LGSN: variants seen among roughly 807,000 people sequenced by gnomAD.
LGSN encodes lengsin, lens protein with glutamine synthetase domain.
LGSN carries 21 observed loss-of-function variants against 19.5 expected under a neutral mutation model. The observed-to-expected ratio is 1.07, with a 90% CI of 0.76 to 1.55. The LOEUF (loss-of-function observed/expected upper bound fraction) is 1.55, where lower values mean the gene tolerates loss of function less well. Ranked by LOEUF, LGSN falls within the 40% of genes most tolerant of loss-of-function variation. LGSN has a pLI of 0.00. For synonymous variants in LGSN, 257 were observed against 215.6 expected (o/e 1.19, Z -1.68); for missense variants, 673 against 608.5 (o/e 1.11, Z -1.12).
chr6:63,386,476 A>G, the LGSN span, among the ~76,000 whole-genome samples: 3 of 151,936 alleles, frequency 2.0e-5, no homozygotes, highest in Non-Finnish European at 4.4e-5. Context: ...CTCTGATCCT[A>G]TTTTGGTAAC....
In LGSN at chr6:63,277,000, C is replaced by G. The variant is rs1321214566; in HGVS notation, c.*3021G>C. ...ACATCAGCACACACCTAACTGAAAT[C>G]TTGGTGGAAACTGCCACACCAACTT... On this transcript the variant is annotated 3_prime_UTR_variant, in exon 4 of 4. Coordinates refer to ENST00000370657, the MANE Select transcript of LGSN (RefSeq NM_016571.3). The G allele has an allele frequency of 2.2e-5, 3 of 137,144 alleles. No homozygotes were observed. Among genetic ancestry groups the G allele is most frequent in the Non-Finnish European group, 4.9e-5 (3 of 61,770 alleles). The allele number at this position is 137,144 out of a possible 1,614,324, so 8.5% of individuals were successfully genotyped here. A position where few individuals can be genotyped will look rare whatever the true frequency, so the allele number is the denominator to read the frequency against.
At chr6:63,531,358 A>G in the LGSN span, among the ~76,000 whole-genome samples, 1 of 151,600 alleles carries the variant, frequency 6.6e-6, no homozygotes, top group East Asian at 1.9e-4. Context: ...TTTAACTAAA[A>G]CAATAAAAAA....
At chr6:63,335,858 A>G in the LGSN span, among the ~76,000 whole-genome samples, 1 of 152,228 alleles carries the variant, frequency 6.6e-6, no homozygotes, top group African/African-American at 2.4e-5. Flanking sequence ...TATCAAAAGG[A>G]CAAATGTACT....
the LGSN span, among the ~76,000 whole-genome samples, chr6:63,523,512 A>AAAATAAAT: frequency 3.3e-5 from 5 of 152,154 alleles, no homozygotes; most frequent in South Asian, 4.1e-4. Flanking sequence ...CTCCATCTCA[A>AAAATAAAT]AAATAAATAA....
chr6:63,460,888 C>T, the LGSN span, among the ~76,000 whole-genome samples: 1 of 152,128 alleles, frequency 6.6e-6, no homozygotes, highest in Non-Finnish European at 1.5e-5. Context: ...AGCCAATAGA[C>T]AACATCTACT....
At chr6:63,547,711 C>T in the LGSN span, among the ~76,000 whole-genome samples, 1 of 149,806 alleles carries the variant, frequency 6.7e-6, no homozygotes, top group East Asian at 2.0e-4. Context: ...CGGGGTTTCA[C>T]CATGTTAGCC....
chr6:63,468,393 G>T, the LGSN span, among the ~76,000 whole-genome samples: 1 of 152,058 alleles, frequency 6.6e-6, no homozygotes, highest in Admixed American at 6.6e-5. Context: ...TTCTCATAGT[G>T]CTGGGATTAC....
the LGSN span, among the ~76,000 whole-genome samples, chr6:63,423,038 A>T: frequency 6.6e-6 from 1 of 152,222 alleles, no homozygotes; most frequent in South Asian, 2.1e-4. Flanking sequence ...AAGAGTGGCT[A>T]AACTAATATC....
chr6:63,572,915 C>T, the LGSN span, among the ~76,000 whole-genome samples: 1 of 152,072 alleles, frequency 6.6e-6, no homozygotes, highest in Non-Finnish European at 1.5e-5. Flanking sequence ...GAGGCAGATG[C>T]CGGGCCCCTC....
chr6:63,443,006 C>T, the LGSN span, among the ~76,000 whole-genome samples: 1 of 152,234 alleles, frequency 6.6e-6, no homozygotes, highest in Admixed American at 6.5e-5. Flanking sequence ...GGCGGCGGTG[C>T]CCGTCAGGGA....
chr6:63,282,385 C>A (rs535689539), intron 3 of LGSN, among the ~76,000 whole-genome samples: 113 of 152,244 alleles, frequency 7.4e-4, no homozygotes, highest in Middle Eastern at 3.4e-3. Context: ...TTATAAACAA[C>A]AGAAACTCAT....
chr6:63,393,978 C>A, the LGSN span, among the ~76,000 whole-genome samples: 1 of 152,030 alleles, frequency 6.6e-6, no homozygotes, highest in Non-Finnish European at 1.5e-5. Context: ...GCTAATAAAA[C>A]AGGTTGCAAC....
At chr6:63,400,446 G>A in the LGSN span, among the ~76,000 whole-genome samples, 7 of 152,178 alleles carry the variant, frequency 4.6e-5, no homozygotes, top group Non-Finnish European at 8.8e-5. Context: ...TAATGAGCAG[G>A]CCATCTCGCT....
At chr6:63,304,129 G>T (rs1274550182) in intron 1 of LGSN, among the ~76,000 whole-genome samples, 1 of 152,222 alleles carries the variant, frequency 6.6e-6, no homozygotes, top group Non-Finnish European at 1.5e-5. Flanking sequence ...CTTGATGGAT[G>T]CAAGATGAAG....
At chr6:63,563,759 GA>G in the LGSN span, among the ~76,000 whole-genome samples, 1 of 152,140 alleles carries the variant, frequency 6.6e-6, no homozygotes, top group Admixed American at 6.5e-5. Flanking sequence ...AAACCCCAAG[GA>G]AAGTGGAAAG....
At chr6:63,326,092 T>G in the LGSN span, among the ~76,000 whole-genome samples, 5 of 151,018 alleles carry the variant, frequency 3.3e-5, no homozygotes, top group East Asian at 7.8e-4. Context: ...AGATACAGAG[T>G]GTCCACACAA....
chr6:63,285,527 G>A lies in LGSN; in HGVS notation c.330+60C>T, dbSNP rs1258975048. 7.8e-6 allele frequency: 10 copies of A among 1,289,566 alleles called. No homozygotes were observed. In the African/African-American group the frequency reaches 1.5e-4, roughly 19 times the overall value. The allele number at this position is 1,289,566 out of a possible 1,614,324, so 79.9% of individuals were successfully genotyped here. On this transcript the variant is annotated intron_variant, in intron 3 of 3. Transcript: ENST00000370657. ...ACAAGAAAATAAGAAAGAGTAATAAGAACTGTTTGCTTGCTAATGGTCATG... is the reference window on the plus strand; with the variant it reads ...ACAAGAAAATAAGAAAGAGTAATAAAAACTGTTTGCTTGCTAATGGTCATG...
chr6:63,312,279 T>C (rs923646490), intron 1 of LGSN, among the ~76,000 whole-genome samples: 19 of 150,558 alleles, frequency 1.3e-4, no homozygotes, highest in African/African-American at 4.7e-4. Flanking sequence ...AGATATCTCT[T>C]CAACATACTG....
chr6:63,326,530 A>G, the LGSN span, among the ~76,000 whole-genome samples: 8 of 152,206 alleles, frequency 5.3e-5, no homozygotes, highest in Non-Finnish European at 1.0e-4. Flanking sequence ...CTTGGGCCGC[A>G]CAGGAGCCCA....
Sources: allele counts gnomAD v4.1 joint callset (sites outside exome capture counted in the v4.1 genomes callset), GRCh38; gene constraint gnomAD v4.1.1; transcripts MANE v1.5; gene names NCBI Gene and HGNC (gene_info 2026-07-23, HGNC 2026-07-21).